SPDYA: variants seen among roughly 807,000 people sequenced by gnomAD.
The protein encoded by SPDYA is speedy/RINGO cell cycle regulator family member A.
In SPDYA, 11 loss-of-function variants were observed where a neutral mutation model predicts 36.7. The observed-to-expected ratio is 0.30, with a 90% CI of 0.19 to 0.50. SPDYA has a LOEUF of 0.50. Ranked by LOEUF, SPDYA falls within the 20% of genes least tolerant of loss-of-function variation. The pLI is 0.98. For missense variants in SPDYA, 287 were observed against 370.9 expected, an observed-to-expected ratio of 0.77 and a Z score of 1.86; for synonymous variants, 115 against 118.7, an observed-to-expected ratio of 0.97 and a Z score of 0.20.
At chr2:28,821,931 T>C (rs569182573) in intron 4 of SPDYA, among the ~76,000 whole-genome samples, 11 of 152,328 alleles carry the variant, frequency 7.2e-5, no homozygotes, top group African/African-American at 2.6e-4. Context: ...AAATTATATA[T>C]ACACATACAT....
chr2:28,838,621 G>A (rs1668670889), intron 6 of SPDYA, among the ~76,000 whole-genome samples: 1 of 152,116 alleles, frequency 6.6e-6, no homozygotes, highest in Non-Finnish European at 1.5e-5. Flanking sequence ...AACCATGATT[G>A]TGTATTTTCC....
intron 7 of SPDYA, among the ~76,000 whole-genome samples, chr2:28,845,811 C>T (rs1403323800): frequency 6.6e-6 from 1 of 152,152 alleles, no homozygotes; most frequent in African/African-American, 2.4e-5. Context: ...TCCCAAAGTG[C>T]TGGGATTACA....
intron 7 of SPDYA, among the ~76,000 whole-genome samples, chr2:28,847,310 T>C (rs1217390531): frequency 1.3e-5 from 2 of 152,014 alleles, no homozygotes. Flanking sequence ...GCCATTGCAC[T>C]CCAGTCTGGG....
chr2:28,815,193 G>T (rs1022539516), intron 2 of SPDYA, among the ~76,000 whole-genome samples: 1 of 151,302 alleles, frequency 6.6e-6, no homozygotes, highest in African/African-American at 2.4e-5. Flanking sequence ...AAGGAAGGAG[G>T]ATCACTTGAG....
In SPDYA at chr2:28,840,086, G is replaced by A. The variant is rs965163798; in HGVS notation, c.553-86G>A. ...GATTTTTATCTTCACTTTAGAGACA[G>A]TTGTTCTTGAGTTATAAGTTTTGAA... is the stretch of plus-strand genomic sequence containing the variant. On this transcript the variant is annotated intron_variant, in intron 6 of 7. Coordinates refer to ENST00000334056, the MANE Select transcript of SPDYA (RefSeq NM_182756.4). 1.2e-5 allele frequency: 15 copies of A among 1,255,980 alleles called. No individual in the cohort carries two copies. In the African/African-American group the frequency reaches 1.8e-4, roughly 15 times the overall value. 77.8% of individuals were successfully genotyped at this position (1,255,980 alleles called of 1,614,324 possible).
chr2:28,815,463 A>G (rs1558320207), intron 2 of SPDYA, among the ~76,000 whole-genome samples: 1 of 152,134 alleles, frequency 6.6e-6, no homozygotes, highest in Non-Finnish European at 1.5e-5. Context: ...CTTATTGAAT[A>G]AGTGAATTTT....
chr2:28,842,368 G>A (rs1286357315), intron 7 of SPDYA: 2 of 152,172 alleles, frequency 1.3e-5, no homozygotes, highest in East Asian at 3.8e-4. Context: ...ATTTTATTCA[G>A]ACCAACCACT....
At chr2:28,816,418 T>C (rs919617002) in intron 3 of SPDYA, among the ~76,000 whole-genome samples, 169 bp downstream of exon 3, 1 of 152,140 alleles carries the variant, frequency 6.6e-6, no homozygotes, top group African/African-American at 2.4e-5. Context: ...TTTTCAATGT[T>C]GGGTTTTTGT....
chr2:28,828,338 T>C (rs1262872181), intron 5 of SPDYA, among the ~76,000 whole-genome samples: 1 of 152,230 alleles, frequency 6.6e-6, no homozygotes, highest in Non-Finnish European at 1.5e-5. Context: ...TATTTCATCT[T>C]GAATACTTTC....
intron 7 of SPDYA, among the ~76,000 whole-genome samples, chr2:28,843,285 G>A (rs912330827): frequency 2.6e-5 from 4 of 152,078 alleles, no homozygotes; most frequent in Non-Finnish European, 5.9e-5. Flanking sequence ...ACGGTGGCTT[G>A]TGCCTGTAAT....
chr2:28,813,686 G>T (rs1667911193), intron 1 of SPDYA, among the ~76,000 whole-genome samples: 1 of 151,890 alleles, frequency 6.6e-6, no homozygotes, highest in South Asian at 2.1e-4. Context: ...CCAGTAGCTG[G>T]GACTACAGGC....
intron 7 of SPDYA, chr2:28,842,295 G>A (rs1668769809): frequency 6.6e-6 from 1 of 152,182 alleles, no homozygotes; most frequent in South Asian, 2.1e-4. Flanking sequence ...GAAGTGAGCT[G>A]GGAGAGAATT....
chr2:28,847,003 A>G (rs549250812), intron 7 of SPDYA, among the ~76,000 whole-genome samples: 5 of 152,338 alleles, frequency 3.3e-5, no homozygotes, highest in African/African-American at 9.6e-5. Context: ...ATTACTAGCT[A>G]AATAGAAGGG....
rs543039272 is a variant in SPDYA, at chr2:28,836,354, G to A, written c.553-3818G>A. On this transcript the variant is annotated intron_variant, in intron 6 of 7. Coordinates refer to ENST00000334056, the MANE Select transcript of SPDYA (RefSeq NM_182756.4). ...TTCTTGTCTTGGGAATTAAATAGCC[G>A]CAGTATTCCCTCCATTTCACAGATG... 7.9e-5 allele frequency among the ~76,000 whole-genome samples: 12 copies of A among 152,240 alleles called. No homozygotes were observed. In the South Asian group the frequency reaches 8.3e-4, roughly 11 times the overall value.
chr2:28,818,728 G>A (rs1668056581), intron 3 of SPDYA, among the ~76,000 whole-genome samples: 1 of 152,284 alleles, frequency 6.6e-6, no homozygotes, highest in South Asian at 2.1e-4. Context: ...AAGTGGAATA[G>A]AGATAAATAG....
intron 7 of SPDYA, among the ~76,000 whole-genome samples, chr2:28,841,601 T>C (rs1371931553): frequency 6.6e-6 from 1 of 152,180 alleles, no homozygotes; most frequent in Non-Finnish European, 1.5e-5. Flanking sequence ...ATTTTACCTA[T>C]TTGTTTTTAC....
intron 5 of SPDYA, among the ~76,000 whole-genome samples, chr2:28,822,749 A>G (rs1668199865): frequency 6.6e-6 from 1 of 152,156 alleles, no homozygotes; most frequent in African/African-American, 2.4e-5. Context: ...CTGAGATTAC[A>G]GCCACGTGCC....
rs144507339 is a variant in SPDYA at position 28,843,025 on chromosome 2, G to C, written c.850+2556G>C. The stretch of plus-strand genomic sequence containing the variant: ...ACACAAAAGTTTATGCTCTGCTTTA[G>C]ACTTCTATGCGAAACTTAGCATAGA... On this transcript the variant is annotated intron_variant, in intron 7 of 7. Coordinates refer to ENST00000334056, the MANE Select transcript of SPDYA (RefSeq NM_182756.4). 5.9e-5 allele frequency among the ~76,000 whole-genome samples: 9 copies of C among 152,256 alleles called. 1 individual carries two copies. In the East Asian group the frequency reaches 1.7e-3, roughly 29 times the overall value.
intron 1 of SPDYA, among the ~76,000 whole-genome samples, chr2:28,813,722 T>C (rs746882426): frequency 6.6e-6 from 1 of 152,064 alleles, no homozygotes; most frequent in Non-Finnish European, 1.5e-5. Context: ...CAGCTAATTT[T>C]TGTATTTTTA....
Sources: gnomAD v4.1 joint callset for allele counts (sites outside exome capture counted in the v4.1 genomes callset) on GRCh38, gnomAD v4.1.1 for gene constraint, MANE v1.5 for transcripts, NCBI Gene and HGNC (gene_info 2026-07-23, HGNC 2026-07-21) for gene names.